Variants in PARD3B observed in about 807,000 individuals in gnomAD.
PARD3B encodes the protein partitioning defective 3 homolog B.
Under a neutral mutation model 130.2 loss-of-function variants are expected in PARD3B, and 103 were observed. The ratio of observed to expected loss-of-function variants is 0.79; its 90% CI spans 0.67 to 0.93. The LOEUF (loss-of-function observed/expected upper bound fraction) is 0.93. Among genes scored for constraint, PARD3B ranks in the 40% least tolerant of loss-of-function variants. The pLI is 0.00. For missense variants in PARD3B, 1,609 were observed against 1,499.2 expected (o/e 1.07, Z -1.21); for synonymous variants, 583 against 553.2 (o/e 1.05, Z -0.76).
intron 2 of PARD3B, among the ~76,000 whole-genome samples, chr2:204,774,590 G>A (rs1029100315): frequency 6.6e-6 from 1 of 152,044 alleles, no homozygotes; most frequent in Non-Finnish European, 1.5e-5. Context: ...ACACCTACCT[G>A]TCTCTAGTGT....
chr2:205,475,741 A>C (rs2049000891), intron 20 of PARD3B, among the ~76,000 whole-genome samples: 1 of 152,214 alleles, frequency 6.6e-6, no homozygotes. Context: ...ATTTAGTGTG[A>C]GGAGCGTTGA....
chr2:204,605,534 C>T (rs2033681138), intron 1 of PARD3B, among the ~76,000 whole-genome samples: 1 of 152,080 alleles, frequency 6.6e-6, no homozygotes, highest in Admixed American at 6.6e-5. Context: ...TTTCCTAAAA[C>T]TGTACATGTG....
At chr2:204,691,392 TA>T (rs2037346111) in intron 2 of PARD3B, among the ~76,000 whole-genome samples, 1 of 152,064 alleles carries the variant, frequency 6.6e-6, no homozygotes, top group African/African-American at 2.4e-5. Flanking sequence ...TTGCCTATCC[TA>T]GGGGGCTAGT....
At chr2:205,164,669 A>AG in intron 11 of PARD3B, among the ~76,000 whole-genome samples, 1 of 152,220 alleles carries the variant, frequency 6.6e-6, no homozygotes, top group East Asian at 1.9e-4. Context: ...GCTTGAAAAA[A>AG]TTTAAGGGTT....
intron 2 of PARD3B, among the ~76,000 whole-genome samples, chr2:204,938,570 A>G (rs890548465): frequency 6.6e-6 from 1 of 152,196 alleles, no homozygotes; most frequent in Non-Finnish European, 1.5e-5. Flanking sequence ...AAAAAATTCT[A>G]TATTTGTACA....
At chr2:205,312,036 A>G (rs1446583558) in intron 18 of PARD3B, among the ~76,000 whole-genome samples, 1 of 152,200 alleles carries the variant, frequency 6.6e-6, no homozygotes, top group African/African-American at 2.4e-5. Flanking sequence ...TAGGTTAGAT[A>G]GAGACTGAAT....
At position 205,292,846 on chromosome 2, in the gene PARD3B, C is replaced by T. The variant is rs1574616003; in HGVS notation, c.2186-7684C>T. 6.6e-6 allele frequency among the ~76,000 whole-genome samples: 1 copy of T among 152,164 alleles called. No individual in the cohort carries two copies. ...GTTAGTTATAGTCACATTTATCTTCCATTCCTCTTAGGACCAAGCACAGTT... is the reference window on the plus strand; with the variant it reads ...GTTAGTTATAGTCACATTTATCTTCTATTCCTCTTAGGACCAAGCACAGTT... On this transcript the variant is annotated intron_variant, in intron 16 of 22. Coordinates refer to ENST00000406610, the MANE Select transcript of PARD3B (RefSeq NM_001302769.2). The surrounding 1 kb of genome is among the most constrained non-coding windows in gnomAD (Gnocchi z 5.3).
At chr2:204,764,043 C>G (rs537620943) in intron 2 of PARD3B, among the ~76,000 whole-genome samples, 1 of 152,118 alleles carries the variant, frequency 6.6e-6, no homozygotes, top group African/African-American at 2.4e-5. Context: ...GTCCCATGAC[C>G]AAGAAAATTA....
Position 204,634,023 on chromosome 2 carries a change from A to G in PARD3B, c.121-52158A>G, listed in dbSNP as rs28839574. ...CACTCTTTAAGTTATTTTTAAATGT[A>G]CAGCTATTATTGACTATAATTACCC... On this transcript the variant is annotated intron_variant, in intron 1 of 22. Transcript: ENST00000406610. 6.0e-3 allele frequency among the ~76,000 whole-genome samples: 919 copies of G among 152,266 alleles called. 8 individuals carry two copies. Among genetic ancestry groups the G allele is most frequent in the African/African-American group, 0.021 (886 of 41,562 alleles).
At chr2:205,613,567 T>A (rs2055313723) in intron 22 of PARD3B, among the ~76,000 whole-genome samples, 1 of 152,208 alleles carries the variant, frequency 6.6e-6, no homozygotes, top group South Asian at 2.1e-4. Flanking sequence ...TTGTGCTCCA[T>A]TTGTCATGGG....
chr2:205,590,663 G>T lies in PARD3B; in HGVS notation c.3261-24793G>T, dbSNP rs2054355606. Among the ~76,000 whole-genome samples, 1 of 152,110 alleles carries T rather than the reference G, an allele frequency of 6.6e-6. No homozygotes were observed. Among genetic ancestry groups the T allele is most frequent in the Admixed American group, 6.6e-5 (1 of 15,260 alleles). ...GTCACCAGGATAAAGTAGGACAGAT[G>T]CTAGACTGGCAAAAGCAGCAACTTT... On this transcript the variant is annotated intron_variant, in intron 22 of 22. Transcript: ENST00000406610. This position sits in a 1 kb window ranked among gnomAD's most constrained non-coding sequence, Gnocchi z 4.1.
chr2:205,609,827 C>G (rs776507196), intron 22 of PARD3B, among the ~76,000 whole-genome samples: 3 of 152,184 alleles, frequency 2.0e-5, no homozygotes, highest in Non-Finnish European at 4.4e-5. Context: ...TTTTTCCCCT[C>G]TGTGACTCTT....
At chr2:205,515,760 G>C (rs991293300) in intron 21 of PARD3B, among the ~76,000 whole-genome samples, 2 of 152,108 alleles carry the variant, frequency 1.3e-5, no homozygotes, top group African/African-American at 4.8e-5. Flanking sequence ...TGTTTACTCT[G>C]TTGATAGCTT....
rs2036152200 is a variant in PARD3B at position 205,187,207 on chromosome 2, G to T, written c.2024+1344G>T. ...GAACCCTAACTCATGAATAGCAGGT[G>T]GACATGAGATGAGCCCAGGAAGAAA... On this transcript the variant is annotated intron_variant, in intron 14 of 22. Coordinates refer to ENST00000406610, the MANE Select transcript of PARD3B (RefSeq NM_001302769.2). This position sits in a 1 kb window ranked among gnomAD's most constrained non-coding sequence, Gnocchi z 4.9. 6.6e-6 allele frequency among the ~76,000 whole-genome samples: 1 copy of T among 152,182 alleles called. No homozygotes were observed. Among genetic ancestry groups the T allele is most frequent in the Non-Finnish European group, 1.5e-5 (1 of 68,042 alleles).
At chr2:205,058,589 C>T (rs1471952670) in intron 4 of PARD3B, among the ~76,000 whole-genome samples, 5 of 151,982 alleles carry the variant, frequency 3.3e-5, no homozygotes, top group Non-Finnish European at 7.4e-5. Context: ...TCTCCACATC[C>T]TTGCCAACAC....
At chr2:205,215,567 T>C (rs969182902) in intron 15 of PARD3B, among the ~76,000 whole-genome samples, 1 of 152,088 alleles carries the variant, frequency 6.6e-6, no homozygotes, top group Non-Finnish European at 1.5e-5. Context: ...GGGACATAAA[T>C]ATGAAATATA....
At chr2:205,544,128 G>T (rs1236600958) in intron 21 of PARD3B, among the ~76,000 whole-genome samples, 1 of 152,124 alleles carries the variant, frequency 6.6e-6, no homozygotes, top group East Asian at 1.9e-4. Flanking sequence ...ACTGAATTTA[G>T]TAAGTACTAG....
intron 3 of PARD3B, among the ~76,000 whole-genome samples, chr2:205,027,485 C>A (rs1473254875): frequency 1.3e-5 from 2 of 152,018 alleles, no homozygotes; most frequent in African/African-American, 2.4e-5. Context: ...ATACAGTTTG[C>A]AAATAATTTT....
At chr2:205,216,899 A>G (rs980877658) in intron 15 of PARD3B, among the ~76,000 whole-genome samples, 1 of 152,106 alleles carries the variant, frequency 6.6e-6, no homozygotes, top group Non-Finnish European at 1.5e-5. Context: ...AAGGTACCAG[A>G]GGCCTAGGCT....
Sources: allele counts gnomAD v4.1 joint callset (sites outside exome capture counted in the v4.1 genomes callset), GRCh38; gene constraint gnomAD v4.1.1; non-coding constraint Gnocchi (gnomAD v3.1); transcripts MANE v1.5; gene names NCBI Gene and HGNC (gene_info 2026-07-23, HGNC 2026-07-21).